The following L3MBTL4 variants were observed in gnomAD, a reference collection of about 807,000 sequenced individuals.
The protein encoded by L3MBTL4 is lethal(3)malignant brain tumor-like protein 4.
In L3MBTL4, 70 loss-of-function variants were observed where a neutral mutation model predicts 84.5. That is an observed-to-expected ratio of 0.83 (90% CI 0.68 to 1.01). The LOEUF is 1.01. Ranked by LOEUF, L3MBTL4 falls within the 50% of genes least tolerant of loss-of-function variation. The pLI is 0.00. For missense variants in L3MBTL4, 715 were observed against 754.8 expected, an observed-to-expected ratio of 0.95 and a Z score of 0.62; for synonymous variants, 274 against 259.8, an observed-to-expected ratio of 1.05 and a Z score of -0.52.
At chr18:6,130,906 T>G (rs1407955672) in intron 14 of L3MBTL4, among the ~76,000 whole-genome samples, 1 of 152,180 alleles carries the variant, frequency 6.6e-6, no homozygotes, top group African/African-American at 2.4e-5. Flanking sequence ...AAATAATAAT[T>G]TATCCATATT....
intron 10 of L3MBTL4, among the ~76,000 whole-genome samples, chr18:6,231,220 T>G (rs938278705): frequency 1.8e-4 from 28 of 152,282 alleles, no homozygotes; most frequent in African/African-American, 4.8e-4. Context: ...GGTTTTACTT[T>G]TAAGTGTTTA....
In L3MBTL4 at chr18:6,323,380, G is replaced by A. The variant is rs576841805; in HGVS notation, c.-90-11324C>T. Among the ~76,000 whole-genome samples, 11 of 152,334 alleles carry A rather than the reference G, an allele frequency of 7.2e-5. No individual in the cohort carries two copies. In the South Asian group the frequency reaches 2.3e-3, roughly 32 times the overall value. On this transcript the variant is annotated intron_variant, in intron 1 of 18. Transcript: ENST00000317931. ...GAAGAAGATAAGAAGATGAAGGAAA[G>A]TTTGGAACTTCCTAGAGACTTCTTG...
At chr18:5,967,518 C>T (rs1175152388) in intron 17 of L3MBTL4, among the ~76,000 whole-genome samples, 2 of 152,226 alleles carry the variant, frequency 1.3e-5, no homozygotes, top group African/African-American at 2.4e-5. Context: ...TAGATACATT[C>T]CATTTTTTTT....
chr18:6,243,348 T>C lies in L3MBTL4; in HGVS notation c.406A>G (p.Ile136Val). 1 of 1,606,666 alleles carries C rather than the reference T, an allele frequency of 6.2e-7. No individual in the cohort carries two copies. The highest frequency in any genetic ancestry group is 8.5e-7 in the Non-Finnish European group (1 of 1,176,706). Reference protein sequence around the residue: ...DFWTNAGSPDIHPVGWCEKTK... With the variant: ...DFWTNAGSPDVHPVGWCEKTK... ...TTTTCACACCATCCTACTGGATGAATGTCAGGGGAACCAGCATTGGTCCAA... is the reference window on the plus strand; with the variant it reads ...TTTTCACACCATCCTACTGGATGAACGTCAGGGGAACCAGCATTGGTCCAA... Residue 136 changes from isoleucine (I) to valine (V), a missense_variant, in exon 7 of 19, where the codon ATT becomes GTT. Ile to Val is a conservative substitution (Grantham distance 29). Coordinates refer to ENST00000317931, the MANE Select transcript of L3MBTL4 (RefSeq NM_001330559.2).
chr18:5,986,634 C>T (rs1169363143), intron 16 of L3MBTL4, among the ~76,000 whole-genome samples: 4 of 152,172 alleles, frequency 2.6e-5, no homozygotes, highest in Non-Finnish European at 5.9e-5. Flanking sequence ...AAAAACAAAA[C>T]CAATAGTTCT....
intron 18 of L3MBTL4, among the ~76,000 whole-genome samples, chr18:5,957,421 T>A (rs2095233260): frequency 6.6e-6 from 1 of 152,232 alleles, no homozygotes; most frequent in African/African-American, 2.4e-5. Context: ...AGCATGAAAG[T>A]AATAGCTTCC....
intron 1 of L3MBTL4, among the ~76,000 whole-genome samples, chr18:6,339,243 G>A (rs2052491779): frequency 6.6e-6 from 1 of 152,168 alleles, no homozygotes; most frequent in African/African-American, 2.4e-5. Flanking sequence ...AATTGACTAT[G>A]TATGCTGGGT....
intron 16 of L3MBTL4, among the ~76,000 whole-genome samples, chr18:5,975,594 G>C (rs568141897): frequency 3.3e-4 from 51 of 152,332 alleles, no homozygotes; most frequent in African/African-American, 1.2e-3. Flanking sequence ...CGTACTGAAC[G>C]TGCTTGAAGC....
chr18:6,393,175 C>A (rs960201483), intron 1 of L3MBTL4, among the ~76,000 whole-genome samples: 7 of 152,202 alleles, frequency 4.6e-5, no homozygotes, highest in African/African-American at 1.7e-4. Flanking sequence ...AATGTAATCA[C>A]ACATTATATG....
chr18:6,249,610 A>T (rs1269113416), intron 5 of L3MBTL4, among the ~76,000 whole-genome samples: 3 of 152,220 alleles, frequency 2.0e-5, no homozygotes, highest in South Asian at 2.1e-4. Context: ...TCTGAAAGGC[A>T]ACATTTAGTG....
intron 16 of L3MBTL4, chr18:6,046,635 A>G (rs1315087860): frequency 1.5e-6 from 1 of 661,968 alleles, no homozygotes; most frequent in East Asian, 2.6e-5. Flanking sequence ...AAATTAGAAA[A>G]CTTGCACCTG....
At chr18:6,251,844 T>C (rs570460354) in intron 5 of L3MBTL4, among the ~76,000 whole-genome samples, 1 of 152,282 alleles carries the variant, frequency 6.6e-6, no homozygotes, top group Admixed American at 6.5e-5. Flanking sequence ...GGGAATTTAA[T>C]ATAAATAAAG....
intron 1 of L3MBTL4, among the ~76,000 whole-genome samples, chr18:6,344,012 A>C (rs542532141): frequency 3.3e-5 from 5 of 151,780 alleles, no homozygotes; most frequent in African/African-American, 1.2e-4. Flanking sequence ...AAAAAAAAAA[A>C]AATAGGCCCA....
At chr18:6,190,486 A>G (rs1278043309) in intron 12 of L3MBTL4, among the ~76,000 whole-genome samples, 1 of 152,212 alleles carries the variant, frequency 6.6e-6, no homozygotes, top group East Asian at 1.9e-4. Context: ...CCCCATTATG[A>G]CATGCTTGCC....
rs188807664 is a variant in L3MBTL4, at chr18:6,098,541, G to A, written c.1200-5013C>T. On this transcript the variant is annotated intron_variant, in intron 14 of 18. Coordinates refer to ENST00000317931, the MANE Select transcript of L3MBTL4 (RefSeq NM_001330559.2). ...ATAACCCAGAAGTCAGCAGTATTTC[G>A]GGAAGAGTGTCAAGTTGTTGACAAC... is the stretch of plus-strand genomic sequence containing the variant. Among the ~76,000 whole-genome samples, 750 of 152,268 alleles carry A rather than the reference G, an allele frequency of 4.9e-3. 2 individuals carry two copies. Among genetic ancestry groups the A allele is most frequent in the Non-Finnish European group, 7.5e-3 (509 of 68,016 alleles).
intron 17 of L3MBTL4, among the ~76,000 whole-genome samples, chr18:5,967,232 A>G (rs1259474742): frequency 2.0e-5 from 3 of 152,198 alleles, no homozygotes; most frequent in African/African-American, 2.4e-5. Flanking sequence ...CAGGGCCACA[A>G]TGAGCATGGT....
At chr18:6,069,897 T>C in intron 16 of L3MBTL4, among the ~76,000 whole-genome samples, 1 of 152,060 alleles carries the variant, frequency 6.6e-6, no homozygotes, top group Non-Finnish European at 1.5e-5. Context: ...ATTGCTAAAC[T>C]AAGAAATAAA....
At chr18:6,366,284 A>T (rs1358809222) in intron 1 of L3MBTL4, among the ~76,000 whole-genome samples, 1 of 152,250 alleles carries the variant, frequency 6.6e-6, no homozygotes, top group Non-Finnish European at 1.5e-5. Flanking sequence ...ATTCTTCTTT[A>T]AACAACATTG....
intron 11 of L3MBTL4, among the ~76,000 whole-genome samples, 164 bp from the exon 12 acceptor site, chr18:6,213,423 G>A (rs1568324623): frequency 1.3e-5 from 2 of 151,806 alleles, no homozygotes; most frequent in Non-Finnish European, 2.9e-5. Flanking sequence ...GTTTTTGTTT[G>A]TTTTTTGAGA....
Sources: gnomAD v4.1 joint callset for allele counts (sites outside exome capture counted in the v4.1 genomes callset) on GRCh38, gnomAD v4.1.1 for gene constraint, MANE v1.5 for transcripts, NCBI Gene and HGNC (gene_info 2026-07-23, HGNC 2026-07-21) for gene names.